Variants in NIM1K observed in about 807,000 individuals in gnomAD.
NIM1K encodes NIM1 serine/threonine protein kinase.
Under a neutral mutation model 37.1 loss-of-function variants are expected in NIM1K, and 35 were observed. The ratio of observed to expected loss-of-function variants is 0.94; its 90% CI spans 0.72 to 1.25. NIM1K has a LOEUF of 1.25. Ranked by LOEUF, NIM1K falls within the 50% of genes most tolerant of loss-of-function variation. The pLI, the probability that NIM1K is intolerant of heterozygous loss-of-function variation, is 0.00. For missense variants in NIM1K, 564 were observed against 548.0 expected (o/e 1.03, Z -0.29); for synonymous variants, 234 against 206.6 (o/e 1.13, Z -1.14).
chr5:43,236,065 G>C (rs1000239168), intron 1 of NIM1K, among the ~76,000 whole-genome samples: 1 of 152,026 alleles, frequency 6.6e-6, no homozygotes, highest in Middle Eastern at 3.2e-3. Flanking sequence ...ACTCGAGACC[G>C]GGAGTTGCAG....
chr5:43,235,692 T>C (rs1006760056), intron 1 of NIM1K, among the ~76,000 whole-genome samples: 7 of 152,218 alleles, frequency 4.6e-5, no homozygotes, highest in Non-Finnish European at 8.8e-5. Context: ...TTAAATAAAC[T>C]TGGGGACCAC....
At chr5:43,236,155 A>G (rs1343652969) in intron 1 of NIM1K, among the ~76,000 whole-genome samples, 2 of 151,942 alleles carry the variant, frequency 1.3e-5, no homozygotes, top group Non-Finnish European at 2.9e-5. Context: ...AGTCCCAGCT[A>G]CTCAGGAGGC....
At chr5:43,264,909 T>A (rs542508039) in intron 2 of NIM1K, among the ~76,000 whole-genome samples, 2 of 152,214 alleles carry the variant, frequency 1.3e-5, no homozygotes, top group Non-Finnish European at 2.9e-5. Flanking sequence ...GAATTCTGGA[T>A]GGAAAATTCT....
intron 1 of NIM1K, 47 bp downstream of exon 1, chr5:43,192,458 A>G (rs1243377250): frequency 6.6e-6 from 1 of 152,122 alleles, no homozygotes; most frequent in African/African-American, 2.4e-5. Flanking sequence ...CCACCCCGCC[A>G]CCCTTCCTCT....
chr5:43,264,024 G>A (rs1468039244), intron 2 of NIM1K, among the ~76,000 whole-genome samples: 1 of 152,220 alleles, frequency 6.6e-6, no homozygotes, highest in Non-Finnish European at 1.5e-5. Flanking sequence ...ATTTGCTGAG[G>A]AGTGCTTTAC....
intron 1 of NIM1K, among the ~76,000 whole-genome samples, chr5:43,217,459 CAA>C (rs35739990): frequency 0.055 from 5,161 of 93,770 alleles, 88 homozygotes; most frequent in Middle Eastern, 0.13. Context: ...TGTGGACATG[CAA>C]AAAAAAAAAA....
chr5:43,240,868 A>G (rs1752690268), intron 1 of NIM1K, among the ~76,000 whole-genome samples: 1 of 151,812 alleles, frequency 6.6e-6, no homozygotes, highest in Non-Finnish European at 1.5e-5. Flanking sequence ...CACTTTATAA[A>G]CACTCTTCCC....
chr5:43,240,363 C>G (rs528768193), intron 1 of NIM1K: 1 of 151,920 alleles, frequency 6.6e-6, no homozygotes, highest in East Asian at 1.9e-4. Flanking sequence ...GTGTGAGCCA[C>G]CACAACCAGC....
intron 2 of NIM1K, among the ~76,000 whole-genome samples, chr5:43,259,338 T>C (rs1182170374): frequency 6.6e-6 from 1 of 152,242 alleles, no homozygotes; most frequent in Non-Finnish European, 1.5e-5. Flanking sequence ...TTTTAGATTT[T>C]AGATTTAGAA....
At chr5:43,210,890 G>C (rs749993228) in intron 1 of NIM1K, among the ~76,000 whole-genome samples, 2 of 152,258 alleles carry the variant, frequency 1.3e-5, no homozygotes, top group Non-Finnish European at 2.9e-5. Context: ...GGGACTTGGA[G>C]CTGGGTGTGG....
chr5:43,267,618 T>C (rs77644744), intron 2 of NIM1K, among the ~76,000 whole-genome samples: 5,409 of 152,288 alleles, frequency 0.036, 297 homozygotes, highest in African/African-American at 0.12. Context: ...AGCACCACTT[T>C]TGCTGTATCT....
intron 1 of NIM1K, among the ~76,000 whole-genome samples, chr5:43,236,551 C>T (rs976946126): frequency 2.6e-5 from 4 of 152,348 alleles, no homozygotes; most frequent in Admixed American, 1.3e-4. Flanking sequence ...CGAAAGTAAA[C>T]CTGCATTCTG....
In NIM1K at chr5:43,218,982, G is replaced by A. The variant is rs115971576; in HGVS notation, c.-694-26100G>A. ...CAGAGATAATTGAATCATGGGGAAGGTTTCCCCATCGGTTCTTGTGATAGT... is the reference window on the plus strand; with the variant it reads ...CAGAGATAATTGAATCATGGGGAAGATTTCCCCATCGGTTCTTGTGATAGT... On this transcript the variant is annotated intron_variant, in intron 1 of 3. Coordinates refer to ENST00000326035, the MANE Select transcript of NIM1K (RefSeq NM_153361.4). Among the ~76,000 whole-genome samples the A allele has an allele frequency of 5.5e-3, 830 of 152,190 alleles. 2 individuals carry two copies. The highest frequency in any genetic ancestry group is 0.013 in the African/African-American group (552 of 41,520).
At chr5:43,224,642 G>C (rs566627933) in intron 1 of NIM1K, among the ~76,000 whole-genome samples, 2 of 151,304 alleles carry the variant, frequency 1.3e-5, no homozygotes, top group Admixed American at 6.6e-5. Context: ...CAACTCGAGA[G>C]CACATATTCA....
chr5:43,253,749 T>G (rs1032456842), intron 2 of NIM1K, among the ~76,000 whole-genome samples: 1 of 151,804 alleles, frequency 6.6e-6, no homozygotes, highest in African/African-American at 2.4e-5. Context: ...AACCTCTGCC[T>G]CCTGGGTTCA....
chr5:43,258,620 T>C (rs1020529962), intron 2 of NIM1K, among the ~76,000 whole-genome samples: 2 of 152,024 alleles, frequency 1.3e-5, no homozygotes. Flanking sequence ...TTTTTAAATG[T>C]TTTGTAGATA....
At chr5:43,198,147 C>CTTTA (rs1216387495) in intron 1 of NIM1K, among the ~76,000 whole-genome samples, 1 of 46,062 alleles carries the variant, frequency 2.2e-5, no homozygotes, top group African/African-American at 7.4e-5. Flanking sequence ...TTCTTTCTTT[C>CTTTA]TTTCTTTCTT....
chr5:43,266,875 G>A (rs754642428), intron 2 of NIM1K, among the ~76,000 whole-genome samples: 2 of 152,150 alleles, frequency 1.3e-5, no homozygotes, highest in Admixed American at 6.5e-5. Context: ...GAGGACTTTT[G>A]CATCTATGTT....
rs532526440 is a variant in NIM1K at position 43,277,815 on chromosome 5, T to TGTGAGA, written c.561+491_561+492insTGAGAG. On this transcript the variant is annotated intron_variant, in intron 3 of 3. Coordinates refer to ENST00000326035, the MANE Select transcript of NIM1K (RefSeq NM_153361.4). ...GTGTGTGTGTGTGTGTGTGTGTGTG[T>TGTGAGA]GAGAGAGAGAGAGAGAGAGAGAGAG... is the stretch of plus-strand genomic sequence containing the variant. 1.0e-4 allele frequency among the ~76,000 whole-genome samples: 13 copies of TGTGAGA among 128,980 alleles called. No homozygotes were observed. In the East Asian group the frequency reaches 1.1e-3, roughly 11 times the overall value. 84.6% of individuals were successfully genotyped at this position (128,980 alleles called of 152,430 possible).
Sources: allele counts gnomAD v4.1 joint callset (sites outside exome capture counted in the v4.1 genomes callset), GRCh38; gene constraint gnomAD v4.1.1; transcripts MANE v1.5; gene names NCBI Gene and HGNC (gene_info 2026-07-23, HGNC 2026-07-21).